Variants in OPCML observed in about 807,000 individuals in gnomAD.
OPCML encodes opioid-binding protein/cell adhesion molecule.
In OPCML, 13 loss-of-function variants were observed where a neutral mutation model predicts 37.8. That is an observed-to-expected ratio of 0.34 (90% CI 0.22 to 0.55). OPCML has a LOEUF of 0.55. Ranked by LOEUF, OPCML falls within the 20% of genes least tolerant of loss-of-function variation. The pLI is 0.91. For missense variants in OPCML, 341 were observed against 435.6 expected (o/e 0.78, Z 1.93); for synonymous variants, 176 against 168.8 (o/e 1.04, Z -0.33).
intron 2 of OPCML, among the ~76,000 whole-genome samples, chr11:132,692,694 G>A (rs1943450869): frequency 6.6e-6 from 1 of 152,210 alleles, no homozygotes; most frequent in Non-Finnish European, 1.5e-5. Context: ...CACGTGGTTA[G>A]AATGGTGTCT....
intron 2 of OPCML, among the ~76,000 whole-genome samples, chr11:132,924,262 C>T (rs1042230807): frequency 1.3e-4 from 19 of 151,970 alleles, no homozygotes; most frequent in Admixed American, 3.3e-4. Flanking sequence ...GAGTGGGGTG[C>T]GGCATTATCA....
At chr11:133,323,620 C>G (rs7945569) in intron 1 of OPCML, among the ~76,000 whole-genome samples, 3 of 152,184 alleles carry the variant, frequency 2.0e-5, no homozygotes, top group South Asian at 2.1e-4. Context: ...ACTGACAGAA[C>G]TGACCCATCT....
chr11:133,325,725 C>A lies in OPCML; in HGVS notation c.61+206539G>T, dbSNP rs186526887. Among the ~76,000 whole-genome samples the A allele has an allele frequency of 1.6e-3, 247 of 152,232 alleles. 1 individual carries two copies. Among genetic ancestry groups the A allele is most frequent in the African/African-American group, 5.6e-3 (232 of 41,504 alleles). On this transcript the variant is annotated intron_variant, in intron 1 of 7. Transcript: ENST00000524381. Reference sequence around the variant, plus strand: ...AGGGATGACTACTTGCCAAGATGAGCAGCCTGTTTTCTATGTTCAAAGTGC... The same window carrying A: ...AGGGATGACTACTTGCCAAGATGAGAAGCCTGTTTTCTATGTTCAAAGTGC...
At chr11:132,729,360 G>C (rs1040106816) in intron 2 of OPCML, among the ~76,000 whole-genome samples, 1 of 151,458 alleles carries the variant, frequency 6.6e-6, no homozygotes, top group Non-Finnish European at 1.5e-5. Context: ...TCCTGGATCT[G>C]TGAAAACCGA....
chr11:132,841,615 G>A (rs568851533), intron 2 of OPCML, among the ~76,000 whole-genome samples: 1 of 152,114 alleles, frequency 6.6e-6, no homozygotes, highest in East Asian at 1.9e-4. Flanking sequence ...CGGGCCTGGT[G>A]GCTCACACCT....
intron 1 of OPCML, among the ~76,000 whole-genome samples, chr11:133,018,601 C>T (rs1419001281): frequency 6.6e-6 from 1 of 152,150 alleles, no homozygotes; most frequent in East Asian, 1.9e-4. Flanking sequence ...CTGAATTGTG[C>T]TCCGCGCTGT....
chr11:132,912,564 G>T (rs926971101), intron 2 of OPCML, among the ~76,000 whole-genome samples: 3 of 152,132 alleles, frequency 2.0e-5, no homozygotes, highest in African/African-American at 7.2e-5. Context: ...ACTTACAAAT[G>T]AAATGAAAGG....
intron 1 of OPCML, among the ~76,000 whole-genome samples, chr11:133,398,944 A>T (rs574054342): frequency 6.6e-6 from 1 of 152,204 alleles, no homozygotes; most frequent in Non-Finnish European, 1.5e-5. Flanking sequence ...ATTCTGCAAG[A>T]TATCTGCAGA....
chr11:132,806,911 A>C (rs1482638582), intron 2 of OPCML, among the ~76,000 whole-genome samples: 1 of 152,212 alleles, frequency 6.6e-6, no homozygotes, highest in African/African-American at 2.4e-5. Flanking sequence ...CAAGCAACAA[A>C]AAAGCACACA....
At chr11:133,272,026 G>T (rs566445969) in intron 1 of OPCML, among the ~76,000 whole-genome samples, 2 of 152,256 alleles carry the variant, frequency 1.3e-5, no homozygotes, top group Admixed American at 1.3e-4. Flanking sequence ...ACCACTGCAG[G>T]TATGCCTCTT....
At chr11:133,413,140 G>GA (rs1416224054) in intron 1 of OPCML, among the ~76,000 whole-genome samples, 1 of 152,170 alleles carries the variant, frequency 6.6e-6, no homozygotes, top group African/African-American at 2.4e-5. Flanking sequence ...GATCACAGGG[G>GA]AAATGAGAGA....
At chr11:133,006,608 CCCCACTGGCCAGAACTATGT>C (rs1353404723) in intron 1 of OPCML, 2 of 985,322 alleles carry the variant, frequency 2.0e-6, no homozygotes, top group Admixed American at 6.1e-5. Context: ...CCGAACCATG[CCCCACTGGCCAGAACTATGT>C]GAAACTCACA....
At chr11:133,204,049 ACT>A (rs1170918443) in intron 1 of OPCML, among the ~76,000 whole-genome samples, 4 of 99,110 alleles carry the variant, frequency 4.0e-5, no homozygotes, top group Admixed American at 1.4e-4. Flanking sequence ...ACAGAGCGAG[ACT>A]CTGTCTCAAA....
intron 3 of OPCML, among the ~76,000 whole-genome samples, chr11:132,595,452 A>G (rs1467657919): frequency 6.6e-6 from 1 of 151,988 alleles, no homozygotes; most frequent in Non-Finnish European, 1.5e-5. Flanking sequence ...GTACCACAAC[A>G]CTTTTACTTT....
intron 1 of OPCML, among the ~76,000 whole-genome samples, chr11:133,086,673 C>G (rs908104323): frequency 2.6e-5 from 4 of 152,128 alleles, no homozygotes; most frequent in African/African-American, 7.2e-5. Flanking sequence ...CGTGCTGTAC[C>G]TTAGGTCCCC....
chr11:132,745,128 T>G (rs2136050032), intron 2 of OPCML, among the ~76,000 whole-genome samples: 1 of 152,312 alleles, frequency 6.6e-6, no homozygotes, highest in Non-Finnish European at 1.5e-5. Flanking sequence ...GGTCTGTGGC[T>G]GCATTTCAGT....
chr11:132,820,425 G>A (rs1939911453), intron 2 of OPCML, among the ~76,000 whole-genome samples: 2 of 152,066 alleles, frequency 1.3e-5, no homozygotes, highest in Admixed American at 6.6e-5. Context: ...ACAGACATTC[G>A]ATCAAGTTCC....
At chr11:132,979,273 C>A (rs1946532732) in intron 1 of OPCML, among the ~76,000 whole-genome samples, 1 of 152,170 alleles carries the variant, frequency 6.6e-6, no homozygotes, top group Non-Finnish European at 1.5e-5. Flanking sequence ...CTGTTCATGT[C>A]ACTCCTCTGT....
At chr11:132,553,342 T>A (rs1030172514) in intron 3 of OPCML, among the ~76,000 whole-genome samples, 1 of 152,238 alleles carries the variant, frequency 6.6e-6, no homozygotes, top group Non-Finnish European at 1.5e-5. Flanking sequence ...TTAATAGGCA[T>A]GGCTGTTTGC....
Sources: gnomAD v4.1 joint callset for allele counts (sites outside exome capture counted in the v4.1 genomes callset) on GRCh38, gnomAD v4.1.1 for gene constraint, MANE v1.5 for transcripts, NCBI Gene and HGNC (gene_info 2026-07-23, HGNC 2026-07-21) for gene names.